The following CFAP20DC variants were observed in gnomAD, a reference collection of about 807,000 sequenced individuals.
CFAP20DC encodes protein CFAP20DC.
A neutral mutation model predicts 101.7 loss-of-function variants in CFAP20DC; 84 were observed. The observed-to-expected ratio is 0.83, with a 90% confidence interval of 0.69 to 0.99. The LOEUF (loss-of-function observed/expected upper bound fraction) is 0.99, where lower values mean the gene tolerates loss of function less well. Ranked by LOEUF, CFAP20DC falls within the 50% of genes least tolerant of loss-of-function variation. The pLI is 0.00. For missense variants in CFAP20DC, 1,007 were observed against 970.3 expected (o/e 1.04, Z -0.50); for synonymous variants, 359 against 351.2 (o/e 1.02, Z -0.25).
chr3:58,740,878 T>C (rs1218105714), downstream of CFAP20DC, among the ~76,000 whole-genome samples: 2 of 152,202 alleles, frequency 1.3e-5, no homozygotes, highest in Non-Finnish European at 2.9e-5. This position sits in a 1 kb window ranked among gnomAD's most constrained non-coding sequence, Gnocchi z 4.6. Flanking sequence ...ACCCAACTCT[T>C]TTATCATTTT....
At chr3:58,779,987 G>A (rs1575618661) in intron 15 of CFAP20DC, among the ~76,000 whole-genome samples, 2 of 152,150 alleles carry the variant, frequency 1.3e-5, no homozygotes, top group Non-Finnish European at 2.9e-5. Flanking sequence ...ATTTATAAGG[G>A]AACCCCTATC....
intron 10 of CFAP20DC, among the ~76,000 whole-genome samples, chr3:58,867,522 T>G (rs1050224181): frequency 6.6e-6 from 1 of 152,210 alleles, no homozygotes; most frequent in African/African-American, 2.4e-5. Flanking sequence ...TGGGAACTTC[T>G]ATCACATTTG....
chr3:58,902,733 A>C (rs1251589382), intron 6 of CFAP20DC, among the ~76,000 whole-genome samples: 1 of 152,196 alleles, frequency 6.6e-6, no homozygotes, highest in African/African-American at 2.4e-5. Context: ...CAGATGCTCA[A>C]GTCCCTTATG....
At chr3:58,772,398 T>A (rs1257954287) in intron 15 of CFAP20DC, among the ~76,000 whole-genome samples, 1 of 152,152 alleles carries the variant, frequency 6.6e-6, no homozygotes. Flanking sequence ...GAAATACAAA[T>A]TAAAATAATG....
chr3:58,825,634 T>C (rs992130588), intron 14 of CFAP20DC, among the ~76,000 whole-genome samples: 4 of 152,120 alleles, frequency 2.6e-5, no homozygotes, highest in African/African-American at 9.7e-5. Context: ...AACTAACTCC[T>C]AGTGCCCTTC....
chr3:59,026,866 C>T (rs1041848631), intron 4 of CFAP20DC, among the ~76,000 whole-genome samples: 1 of 152,094 alleles, frequency 6.6e-6, no homozygotes, highest in Non-Finnish European at 1.5e-5. Context: ...ATTAAATTGG[C>T]TTGAGGCTAA....
In CFAP20DC at chr3:58,868,948, C is replaced by G. The variant is rs2079912193; in HGVS notation, c.1015+380G>C. ...GTTTATTTTATTTTTGTTGTTGGATCAGTGAGAGAAAAGAAAGAGTACCTT... is the reference window on the plus strand; with the variant it reads ...GTTTATTTTATTTTTGTTGTTGGATGAGTGAGAGAAAAGAAAGAGTACCTT... On this transcript the variant is annotated intron_variant, in intron 9 of 16. Transcript: ENST00000482387. This position sits in a 1 kb window ranked among gnomAD's most constrained non-coding sequence, Gnocchi z 4.6. Among the ~76,000 whole-genome samples, 1 of 151,956 alleles carries G rather than the reference C, an allele frequency of 6.6e-6. No homozygotes were observed. The highest frequency in any genetic ancestry group is 6.6e-5 in the Admixed American group (1 of 15,254).
chr3:58,842,405 G>A (rs1309997923), intron 13 of CFAP20DC, among the ~76,000 whole-genome samples: 2 of 151,972 alleles, frequency 1.3e-5, no homozygotes, highest in Non-Finnish European at 2.9e-5. Context: ...AGGGGTGACA[G>A]ACGCACCTGG....
intron 4 of CFAP20DC, among the ~76,000 whole-genome samples, chr3:58,974,240 T>C (rs1302636819): frequency 6.6e-6 from 1 of 152,128 alleles, no homozygotes; most frequent in Non-Finnish European, 1.5e-5. Context: ...ATGTAGTTTT[T>C]CAACCCTCGC....
intron 4 of CFAP20DC, among the ~76,000 whole-genome samples, chr3:59,023,761 ATGT>A (rs1296989028): frequency 1.3e-5 from 2 of 152,224 alleles, no homozygotes; most frequent in Middle Eastern, 3.4e-3. Context: ...GTAAAAACAA[ATGT>A]TAGAGTACCT....
intron 14 of CFAP20DC, among the ~76,000 whole-genome samples, chr3:58,829,787 C>T (rs989390330): frequency 1.3e-5 from 2 of 152,144 alleles, no homozygotes; most frequent in African/African-American, 2.4e-5. Flanking sequence ...ACACTGTATC[C>T]AGGGCAACCA....
At position 58,719,431 on chromosome 3, in the gene CFAP20DC, A is replaced by T. The variant is rs72879796; in HGVS notation, c.198-1803T>A. Among the ~76,000 whole-genome samples, 729 of 152,348 alleles carry T rather than the reference A, an allele frequency of 4.8e-3. 7 individuals are homozygous for T. The highest frequency in any genetic ancestry group is 0.017 in the African/African-American group (689 of 41,576). The stretch of plus-strand genomic sequence containing the variant: ...TCAGTGACTACCTGTCATGTAGTAG[A>T]TGCTTTGTAATAGCATGTATGTGAA... On this transcript the variant is annotated intron_variant, in intron 3 of 3. Coordinates refer to the CFAP20DC transcript ENST00000486145.
At chr3:58,949,717 A>C (rs1447664764) in intron 4 of CFAP20DC, among the ~76,000 whole-genome samples, 6 of 151,954 alleles carry the variant, frequency 3.9e-5, no homozygotes, top group Non-Finnish European at 8.8e-5. Context: ...AAATTCAAAA[A>C]CCCTTCATGC....
chr3:58,727,126 G>A (rs1055620992), intron 3 of CFAP20DC: 1 of 173,574 alleles, frequency 5.8e-6, no homozygotes, highest in African/African-American at 2.4e-5. Context: ...CTATCCTACA[G>A]TGTTCTCATT....
At chr3:58,759,160 T>G (rs541519393) in intron 15 of CFAP20DC, among the ~76,000 whole-genome samples, 1 of 151,950 alleles carries the variant, frequency 6.6e-6, no homozygotes, top group Non-Finnish European at 1.5e-5. Flanking sequence ...ACCAACAGTG[T>G]AAAAGTGTTC....
chr3:58,796,390 TA>T (rs1317531342), intron 15 of CFAP20DC, among the ~76,000 whole-genome samples: 1 of 152,174 alleles, frequency 6.6e-6, no homozygotes, highest in African/African-American at 2.4e-5. Flanking sequence ...AGTTTGCTAC[TA>T]GGGGTGCCCT....
chr3:58,863,124 C>T lies in CFAP20DC; in HGVS notation c.1593+434G>A, dbSNP rs985260096. 1 of 1,042,542 alleles carries T rather than the reference C, an allele frequency of 9.6e-7. No individual in the cohort carries two copies. The highest frequency in any genetic ancestry group is 1.2e-6 in the Non-Finnish European group (1 of 868,080). The allele number at this position is 1,042,542 out of a possible 1,614,324, so 64.6% of individuals were successfully genotyped here. Reference sequence around the variant, plus strand: ...TGGAAAATAATGAGTCCTAATAGGTCTAAGGTGAAAAGATGGCAGGGGAGT... The same window carrying T: ...TGGAAAATAATGAGTCCTAATAGGTTTAAGGTGAAAAGATGGCAGGGGAGT... On this transcript the variant is annotated intron_variant, in intron 12 of 16. Coordinates refer to ENST00000482387, the MANE Select transcript of CFAP20DC (RefSeq NM_001394063.1). The surrounding 1 kb of genome is among the most constrained non-coding windows in gnomAD (Gnocchi z 5.9).
chr3:58,867,525 C>T (rs1014892639), intron 10 of CFAP20DC, among the ~76,000 whole-genome samples: 1 of 152,088 alleles, frequency 6.6e-6, no homozygotes, highest in African/African-American at 2.4e-5. Flanking sequence ...GAACTTCTAT[C>T]ACATTTGGGC....
At chr3:58,773,293 G>A (rs2071021972) in intron 15 of CFAP20DC, among the ~76,000 whole-genome samples, 1 of 151,240 alleles carries the variant, frequency 6.6e-6, no homozygotes, top group African/African-American at 2.4e-5. Context: ...GCTCATGCCT[G>A]TAATCCCAGC....
Sources: allele counts gnomAD v4.1 joint callset (sites outside exome capture counted in the v4.1 genomes callset), GRCh38; gene constraint gnomAD v4.1.1; non-coding constraint Gnocchi (gnomAD v3.1); transcripts MANE v1.5; gene names NCBI Gene and HGNC (gene_info 2026-07-23, HGNC 2026-07-21).